The following SLC68A1 variants were observed in gnomAD, a reference collection of about 807,000 sequenced individuals.
SLC68A1 encodes solute carrier family 68 member 1.
the SLC68A1 span, among the ~76,000 whole-genome samples, chr10:102,475,556 G>A: frequency 3.9e-5 from 6 of 152,222 alleles, no homozygotes; most frequent in South Asian, 2.1e-4. Flanking sequence ...GGTGGTGCCC[G>A]TCACTGAGAT....
the SLC68A1 span, among the ~76,000 whole-genome samples, chr10:102,470,460 G>A: frequency 6.6e-6 from 1 of 152,164 alleles, no homozygotes; most frequent in African/African-American, 2.4e-5. Context: ...ATAAGGGGGT[G>A]GAAATTGGGG....
the SLC68A1 span, chr10:102,476,143 T>C: frequency 7.9e-7 from 1 of 1,269,872 alleles, no homozygotes; most frequent in African/African-American, 1.6e-5. Context: ...CAATCTGGGC[T>C]CACTGAAACC....
At chr10:102,473,609 TC>T in the SLC68A1 span, 1 of 1,613,510 alleles carries the variant, frequency 6.2e-7, no homozygotes, top group African/African-American at 1.3e-5. Flanking sequence ...AACCTCTACT[TC>T]CTGTCCCTGT....
the SLC68A1 span, chr10:102,471,354 C>A: frequency 6.2e-7 from 1 of 1,613,592 alleles, no homozygotes; most frequent in Non-Finnish European, 8.5e-7. Context: ...AGCTGGCACG[C>A]CATCGGAACT....
the SLC68A1 span, among the ~76,000 whole-genome samples, chr10:102,467,196 C>T: frequency 1.3e-5 from 2 of 152,136 alleles, no homozygotes; most frequent in Admixed American, 6.6e-5. Context: ...GCCACCACGC[C>T]GGCTAATTTT....
the SLC68A1 span, chr10:102,470,907 A>G: frequency 6.2e-7 from 1 of 1,613,142 alleles, no homozygotes; most frequent in Non-Finnish European, 8.5e-7. Flanking sequence ...CTCAACTTCT[A>G]CTGCTCCCTC....
the SLC68A1 span, chr10:102,470,794 C>T: frequency 9.3e-6 from 15 of 1,613,900 alleles, no homozygotes; most frequent in Non-Finnish European, 8.5e-7. Flanking sequence ...GCCTGCAGTT[C>T]TTGCTGTGCC....
At chr10:102,471,150 A>G in the SLC68A1 span, 8 of 1,604,466 alleles carry the variant, frequency 5.0e-6, no homozygotes, top group East Asian at 1.8e-4. Context: ...TCAGGTCCTC[A>G]CCAGCAACCT....
At chr10:102,476,897 T>C in the SLC68A1 span, 1 of 985,424 alleles carries the variant, frequency 1.0e-6, no homozygotes, top group East Asian at 1.1e-4. Context: ...CGTCCACCCT[T>C]CTAGTGGTTT....
the SLC68A1 span, chr10:102,470,767 GC>G: frequency 6.2e-7 from 1 of 1,613,990 alleles, no homozygotes; most frequent in Non-Finnish European, 8.5e-7. Flanking sequence ...CGTTCTGGGT[GC>G]CCTGGGCCCC....
At chr10:102,476,435 C>T in the SLC68A1 span, 1 of 859,538 alleles carries the variant, frequency 1.2e-6, no homozygotes, top group Non-Finnish European at 1.4e-6. Context: ...GAACTCCTGA[C>T]CTCAAGTGAT....
chr10:102,471,429 T>G, the SLC68A1 span: 27 of 1,598,060 alleles, frequency 1.7e-5, no homozygotes, highest in African/African-American at 4.0e-5. Flanking sequence ...CCTCTACAGC[T>G]GGGCTGGACT....
chr10:102,476,586 G>A, the SLC68A1 span: 2 of 986,094 alleles, frequency 2.0e-6, no homozygotes, highest in Non-Finnish European at 2.4e-6. Context: ...AGCTCCTGGG[G>A]CTGAGCCAGA....
the SLC68A1 span, chr10:102,469,040 G>C: frequency 6.2e-7 from 1 of 1,612,876 alleles, no homozygotes; most frequent in Non-Finnish European, 8.5e-7. Flanking sequence ...ATGGGGCTGG[G>C]TCAGCCCCAG....
the SLC68A1 span, chr10:102,472,951 G>A: frequency 2.5e-6 from 4 of 1,611,950 alleles, no homozygotes; most frequent in African/African-American, 1.3e-5. Flanking sequence ...ATCCTGTTGG[G>A]TGAGTGTGGA....
the SLC68A1 span, chr10:102,471,115 C>A: frequency 6.2e-7 from 1 of 1,612,340 alleles, no homozygotes; most frequent in Non-Finnish European, 8.5e-7. Context: ...TTGTGGATAG[C>A]GGGTGAGTGG....
the SLC68A1 span, among the ~76,000 whole-genome samples, chr10:102,466,961 C>T: frequency 3.3e-5 from 5 of 152,250 alleles, no homozygotes; most frequent in Admixed American, 3.3e-4. Context: ...TGGGGCCTCT[C>T]CATTTTAGGG....
At chr10:102,467,518 G>C in the SLC68A1 span, among the ~76,000 whole-genome samples, 1 of 152,098 alleles carries the variant, frequency 6.6e-6, no homozygotes, top group Non-Finnish European at 1.5e-5. Context: ...CCTGAATAAA[G>C]CTTTGAGGAA....
At chr10:102,468,996 C>T in the SLC68A1 span, 16 of 1,587,746 alleles carry the variant, frequency 1.0e-5, no homozygotes, top group Admixed American at 3.6e-5. Context: ...GAGCCCTCCC[C>T]GGTGCTCCTG....
Sources: allele counts gnomAD v4.1 joint callset (sites outside exome capture counted in the v4.1 genomes callset), GRCh38; gene constraint gnomAD v4.1.1; transcripts MANE v1.5; gene names NCBI Gene and HGNC (gene_info 2026-07-23, HGNC 2026-07-21).